Variants in UIMC1 observed in about 807,000 individuals in gnomAD.
UIMC1 encodes BRCA1-A complex subunit RAP80.
A neutral mutation model predicts 84.9 loss-of-function variants in UIMC1; 42 were observed. That is an observed-to-expected ratio of 0.49 (90% confidence interval 0.39 to 0.64). UIMC1 has a LOEUF of 0.64. Among genes scored for constraint, UIMC1 ranks in the 30% least tolerant of loss-of-function variants. UIMC1 has a pLI of 0.00. For synonymous variants in UIMC1, 281 were observed against 293.0 expected, an observed-to-expected ratio of 0.96 and a Z score of 0.42; for missense variants, 825 against 847.6, an observed-to-expected ratio of 0.97 and a Z score of 0.33.
intron 1 of UIMC1, among the ~76,000 whole-genome samples, chr5:176,988,086 C>T (rs1161797898): frequency 6.8e-6 from 1 of 146,720 alleles, no homozygotes; most frequent in African/African-American, 2.5e-5. Context: ...AACCAATATC[C>T]GTGCCACAGC....
Position 176,907,189 on chromosome 5 carries a change from A to C in UIMC1, c.1849-12T>G, listed in dbSNP as rs761504730. On this transcript the variant is annotated splice_polypyrimidine_tract_variant and intron_variant, in intron 12 of 14. Coordinates refer to ENST00000511320, the MANE Select transcript of UIMC1 (RefSeq NM_001199298.2). ...CTGTGGCCTTTTTCCTGTAACAGAG[A>C]AAAACAGATGAAAAGGTTACTTCAT... is the stretch of plus-strand genomic sequence containing the variant. 2.4e-5 allele frequency: 38 copies of C among 1,611,084 alleles called. 1 individual carries two copies. In the South Asian group the frequency reaches 4.2e-4, roughly 18 times the overall value.
chr5:176,927,119 T>C (rs1218152419), intron 10 of UIMC1, among the ~76,000 whole-genome samples: 1 of 151,642 alleles, frequency 6.6e-6, no homozygotes, highest in Non-Finnish European at 1.5e-5. Flanking sequence ...TCCCAACACT[T>C]TGGGAGGCCA....
At chr5:176,984,066 G>A (rs1217741752) in intron 1 of UIMC1, among the ~76,000 whole-genome samples, 2 of 132,146 alleles carry the variant, frequency 1.5e-5, no homozygotes, top group Non-Finnish European at 3.2e-5. Flanking sequence ...GAGTGCCTCT[G>A]CCCGGCCGCC....
chr5:176,995,143 C>T (rs1225157915), intron 1 of UIMC1, among the ~76,000 whole-genome samples: 2 of 152,102 alleles, frequency 1.3e-5, no homozygotes, highest in Admixed American at 1.3e-4. Context: ...CTATTAATTA[C>T]TCAGTAGAAA....
rs774040309 is a variant in UIMC1, at chr5:176,968,578, C to G, written c.1177G>C (p.Glu393Gln). ...ACCTGACCATGACTGGTTGTTGGTTCTTCCTCCAACAAAAGTTTCTCTTTC... is the reference window on the plus strand; with the variant it reads ...ACCTGACCATGACTGGTTGTTGGTTGTTCCTCCAACAAAAGTTTCTCTTTC... ...SLKEKLLLEE[E>Q]PTTSHGQSSQ... The change falls in exon 6 of 15, where the codon GAA becomes CAA. Residue 393 changes from glutamate (E) to glutamine (Q), a missense_variant. By Grantham distance (29) the Glu-to-Gln change is conservative. Coordinates refer to ENST00000511320, the MANE Select transcript of UIMC1 (RefSeq NM_001199298.2). The G allele has an allele frequency of 1.6e-5, 25 of 1,611,246 alleles. No individual in the cohort carries two copies. The highest frequency in any genetic ancestry group is 2.1e-5 in the Non-Finnish European group (25 of 1,178,956).
At chr5:176,994,225 G>C (rs564631877) in intron 1 of UIMC1, among the ~76,000 whole-genome samples, 8 of 151,456 alleles carry the variant, frequency 5.3e-5, no homozygotes, top group African/African-American at 1.7e-4. Flanking sequence ...AATAAAAAAA[G>C]ACAAACCAAT....
chr5:176,955,420 T>A (rs1370552807), intron 8 of UIMC1, among the ~76,000 whole-genome samples: 2 of 151,928 alleles, frequency 1.3e-5, no homozygotes, highest in African/African-American at 4.8e-5. Context: ...CAAATGGCAA[T>A]ATAAAAACTA....
intron 10 of UIMC1, among the ~76,000 whole-genome samples, chr5:176,917,082 T>C (rs1425724715): frequency 6.6e-6 from 1 of 152,020 alleles, no homozygotes; most frequent in African/African-American, 2.4e-5. Context: ...ACCACCTCAG[T>C]AGAAAATAAT....
chr5:176,971,115 CT>C (rs1769133542), intron 3 of UIMC1, among the ~76,000 whole-genome samples: 1 of 152,350 alleles, frequency 6.6e-6, no homozygotes, highest in South Asian at 2.1e-4. Flanking sequence ...TTTACCTACA[CT>C]GTTCACTGTT....
chr5:176,969,800 A>AT lies in UIMC1; in HGVS notation c.358-95dup, dbSNP rs1768923418. Reference sequence around the variant, plus strand: ...AGGACAAAATGGGAGGCCACCGTTCATAAGACTTTCTCTTTCTAAAATGTA... The same window carrying AT: ...AGGACAAAATGGGAGGCCACCGTTCATTAAGACTTTCTCTTTCTAAAATGTA... On this transcript the variant is annotated intron_variant, in intron 4 of 14. Coordinates refer to ENST00000511320, the MANE Select transcript of UIMC1 (RefSeq NM_001199298.2). 3 of 988,994 alleles carry AT rather than the reference A, an allele frequency of 3.0e-6. No individual in the cohort carries two copies. In the African/African-American group the frequency reaches 4.9e-5, roughly 16 times the overall value. The allele number at this position is 988,994 out of a possible 1,614,324, so 61.3% of individuals were successfully genotyped here. A position where few individuals can be genotyped will look rare whatever the true frequency, so the allele number is the denominator to read the frequency against.
intron 8 of UIMC1, among the ~76,000 whole-genome samples, chr5:176,953,528 ACAC>A (rs1399056325): frequency 6.6e-6 from 1 of 151,754 alleles, no homozygotes; most frequent in Non-Finnish European, 1.5e-5. Context: ...ACACACACAC[ACAC>A]CTTATTGGAA....
At chr5:176,919,075 T>A (rs1399814331) in intron 10 of UIMC1, 1 of 232,984 alleles carries the variant, frequency 4.3e-6, no homozygotes, top group Non-Finnish European at 8.9e-6. Flanking sequence ...GATTCCTGTA[T>A]CACTATTCTT....
At chr5:176,964,930 T>C (rs1465507250) in intron 6 of UIMC1, among the ~76,000 whole-genome samples, 1 of 152,140 alleles carries the variant, frequency 6.6e-6, no homozygotes, top group Non-Finnish European at 1.5e-5. Flanking sequence ...AAAATTTGAA[T>C]TGGGAGAGAT....
chr5:176,958,398 T>C (rs1441075736), intron 6 of UIMC1, among the ~76,000 whole-genome samples: 1 of 152,266 alleles, frequency 6.6e-6, no homozygotes, highest in East Asian at 1.9e-4. Context: ...TCTGAATCTC[T>C]TTCCTCATCT....
chr5:177,002,160 T>C (rs915483570), intron 1 of UIMC1: 1 of 150,082 alleles, frequency 6.7e-6, no homozygotes, highest in African/African-American at 2.4e-5. Context: ...CTGGGCATAG[T>C]GGCGTGCACC....
intron 8 of UIMC1, among the ~76,000 whole-genome samples, chr5:176,951,807 C>T (rs1252955496): frequency 6.6e-6 from 1 of 151,986 alleles, no homozygotes; most frequent in Non-Finnish European, 1.5e-5. Context: ...CAAATGTATA[C>T]CATTTATATA....
chr5:176,950,333 C>T (rs1765705341), intron 9 of UIMC1, among the ~76,000 whole-genome samples: 1 of 150,784 alleles, frequency 6.6e-6, no homozygotes, highest in South Asian at 2.1e-4. Context: ...CTCTTGACCT[C>T]GTGATCCACC....
At chr5:176,931,720 C>T (rs1763108616) in intron 10 of UIMC1, among the ~76,000 whole-genome samples, 1 of 152,196 alleles carries the variant, frequency 6.6e-6, no homozygotes, top group African/African-American at 2.4e-5. Context: ...GGTGCGGTGG[C>T]TCATGCCTGT....
At chr5:176,958,872 A>G (rs929855845) in intron 6 of UIMC1, among the ~76,000 whole-genome samples, 4 of 152,246 alleles carry the variant, frequency 2.6e-5, no homozygotes, top group African/African-American at 9.6e-5. Context: ...ACATGCACAG[A>G]AGATCACAGA....
Sources: allele counts gnomAD v4.1 joint callset (sites outside exome capture counted in the v4.1 genomes callset), GRCh38; gene constraint gnomAD v4.1.1; transcripts MANE v1.5; gene names NCBI Gene and HGNC (gene_info 2026-07-23, HGNC 2026-07-21).